Variants in PAK6 observed in about 807,000 individuals in gnomAD.
The protein encoded by PAK6 is serine/threonine-protein kinase PAK 6.
A neutral mutation model predicts 60.8 loss-of-function variants in PAK6; 33 were observed. The observed-to-expected ratio is 0.54, with a 90% confidence interval of 0.41 to 0.73. The LOEUF is 0.73. PAK6 is among the 30% of genes least tolerant of loss of function. PAK6 has a pLI of 0.00. For synonymous variants in PAK6, 404 were observed against 378.5 expected, an observed-to-expected ratio of 1.07 and a Z score of -0.78; for missense variants, 845 against 904.1, an observed-to-expected ratio of 0.93 and a Z score of 0.84.
exon 11 of PAK6, chr15:40,276,748 T>TTG (rs1566860704): frequency 2.8e-5 from 1 of 35,760 alleles, no homozygotes; most frequent in African/African-American, 9.4e-5. Flanking sequence ...GGAGAGAACA[T>TTG]CGTGTGTGTG....
At chr15:40,254,380 A>G (rs535464953) in intron 3 of PAK6, among the ~76,000 whole-genome samples, 1 of 152,316 alleles carries the variant, frequency 6.6e-6, no homozygotes, top group East Asian at 1.9e-4. Flanking sequence ...AGCAATAGGA[A>G]TAAAGTAAAG....
intron 2 of PAK6, among the ~76,000 whole-genome samples, chr15:40,242,808 G>C (rs796459294): frequency 1.2e-4 from 19 of 152,318 alleles, no homozygotes; most frequent in Middle Eastern, 3.4e-3. Context: ...GTCTCTTCCT[G>C]GGAGGGTGTG....
intron 2 of PAK6, among the ~76,000 whole-genome samples, chr15:40,244,326 T>A (rs2038439120): frequency 3.0e-5 from 1 of 32,966 alleles, no homozygotes; most frequent in African/African-American, 9.3e-5. Flanking sequence ...CAAGACTCTG[T>A]CTCAAAAAAA....
chr15:40,262,170 G>T (rs1158588977), intron 3 of PAK6, among the ~76,000 whole-genome samples: 1 of 152,192 alleles, frequency 6.6e-6, no homozygotes, highest in Admixed American at 6.5e-5. Context: ...CTAATCCAGG[G>T]ATAGCAGGTC....
intron 3 of PAK6, among the ~76,000 whole-genome samples, chr15:40,254,126 A>C (rs1429509209): frequency 2.6e-5 from 4 of 152,230 alleles, no homozygotes; most frequent in African/African-American, 9.6e-5. Flanking sequence ...GAATCTATCC[A>C]GACTTTGCCT....
intron 3 of PAK6, chr15:40,260,207 G>A (rs193043390): frequency 1.4e-4 from 21 of 152,198 alleles, no homozygotes; most frequent in Admixed American, 3.3e-4. Context: ...GGTACCCGCC[G>A]TCACTCCCAC....
intron 3 of PAK6, chr15:40,263,949 G>C (rs1396716148): frequency 2.2e-6 from 1 of 455,992 alleles, no homozygotes; most frequent in South Asian, 1.5e-5. Flanking sequence ...TCCAATACCA[G>C]AGAGAAGAGT....
chr15:40,269,969 T>C (rs533183994), intron 5 of PAK6, among the ~76,000 whole-genome samples: 79 of 152,344 alleles, frequency 5.2e-4, no homozygotes, highest in East Asian at 3.1e-3. Context: ...TTTTACAGCC[T>C]TTCTTAGGAG....
chr15:40,256,401 G>C lies in PAK6; in HGVS notation c.-6+3112G>C, dbSNP rs573819943. 9.8e-5 allele frequency among the ~76,000 whole-genome samples: 15 copies of C among 152,306 alleles called. No homozygotes were observed. In the East Asian group the frequency reaches 2.5e-3, roughly 25 times the overall value. ...GTGTGTGGGATGACAGTTCCCAAAG[G>C]GGGTTACAAAGAGGTCAAGAAACCC... On this transcript the variant is annotated intron_variant, in intron 3 of 10. Coordinates refer to ENST00000560346, the Ensembl canonical transcript of PAK6.
chr15:40,253,014 C>T (rs1001237608), intron 2 of PAK6, 164 bp from the exon 3 acceptor site: 5 of 424,576 alleles, frequency 1.2e-5, no homozygotes, highest in Non-Finnish European at 2.0e-5. Flanking sequence ...CCCTTCTCCC[C>T]GTAAGCCCCG....
intron 3 of PAK6, among the ~76,000 whole-genome samples, chr15:40,263,586 G>C (rs1566851748): frequency 6.6e-6 from 1 of 152,116 alleles, no homozygotes; most frequent in South Asian, 2.1e-4. Context: ...AGCAAGGCAC[G>C]GGACACAGGC....
intron 2 of PAK6, chr15:40,252,200 C>G (rs574579676): frequency 9.0e-7 from 1 of 1,109,586 alleles, no homozygotes; most frequent in Admixed American, 3.7e-5. Context: ...ACACGCGGCC[C>G]GCTCAGGTCC....
intron 3 of PAK6, chr15:40,259,861 A>AAGAGTAGAAAGAT (rs2038940048): frequency 6.6e-6 from 1 of 151,960 alleles, no homozygotes; most frequent in Non-Finnish European, 1.5e-5. Flanking sequence ...AACTTAGAAA[A>AAGAGTAGAAAGAT]AGAGTAGAAA....
rs1278681404 is a variant in PAK6, at chr15:40,261,932, CT to C, written c.-5-2848del. On this transcript the variant is annotated intron_variant, in intron 3 of 10. Coordinates refer to ENST00000560346, the Ensembl canonical transcript of PAK6. ...CGGAATGGCTCACTATTAGAATGGA[CT>C]CAAGAGAGGCTCCCAGAGTCAGAGA... is the stretch of plus-strand genomic sequence containing the variant. Among the ~76,000 whole-genome samples, 8 of 152,134 alleles carry C rather than the reference CT, an allele frequency of 5.3e-5. No homozygotes were observed. The South Asian group carries it at 6.2e-4, about 12-fold the overall frequency.
At chr15:40,242,642 A>G (rs567672571) in intron 2 of PAK6, among the ~76,000 whole-genome samples, 1 of 152,304 alleles carries the variant, frequency 6.6e-6, no homozygotes, top group African/African-American at 2.4e-5. Flanking sequence ...AACTTGCTGA[A>G]GCCAAGGCTG....
exon 5 of PAK6, chr15:40,265,955 C>G: frequency 2.5e-6 from 4 of 1,605,850 alleles, no homozygotes; most frequent in Non-Finnish European, 3.4e-6. Flanking sequence ...GCAGCCCCAC[C>G]AGCCGGCGGC....
intron 5 of PAK6, 96 bp downstream of exon 5, chr15:40,266,591 C>T: frequency 8.0e-7 from 1 of 1,243,228 alleles, no homozygotes. Context: ...GGCAAAGAGG[C>T]TCCCTGGACT....
chr15:40,249,444 T>C (rs769205886), intron 2 of PAK6, among the ~76,000 whole-genome samples: 25 of 152,242 alleles, frequency 1.6e-4, no homozygotes, highest in Admixed American at 9.2e-4. Context: ...CATCCCAGGG[T>C]TCTTGTGAAG....
At chr15:40,253,906 G>A (rs1484209283) in intron 3 of PAK6, among the ~76,000 whole-genome samples, 1 of 152,098 alleles carries the variant, frequency 6.6e-6, no homozygotes, top group Non-Finnish European at 1.5e-5. Context: ...GGGCTTTTCT[G>A]ACTTGTTTTT....
Sources: gnomAD v4.1 joint callset for allele counts (sites outside exome capture counted in the v4.1 genomes callset) on GRCh38, gnomAD v4.1.1 for gene constraint, MANE v1.5 for transcripts, NCBI Gene and HGNC (gene_info 2026-07-23, HGNC 2026-07-21) for gene names.